Variants in PCDHA9 observed in about 807,000 individuals in gnomAD.
PCDHA9 encodes the protein protocadherin alpha 9, also known as protocadherin alpha-9.
Under a neutral mutation model 62.0 loss-of-function variants are expected in PCDHA9, and 62 were observed. That is an observed-to-expected ratio of 1.00 (90% CI 0.81 to 1.23). The LOEUF (loss-of-function observed/expected upper bound fraction) is 1.23, where lower values mean the gene tolerates loss of function less well. PCDHA9 is among the 50% of genes most tolerant of loss of function. The pLI, the probability that PCDHA9 is intolerant of heterozygous loss-of-function variation, is 0.00. For synonymous variants in PCDHA9, 557 were observed against 567.6 expected (o/e 0.98, Z 0.27); for missense variants, 1,205 against 1,249.8 (o/e 0.96, Z 0.54).
chr5:140,926,811 C>T, intron 1 of PCDHA9: 3 of 1,464,260 alleles, frequency 2.0e-6, no homozygotes, highest in Admixed American at 5.2e-5. Flanking sequence ...CCCCGCGGCT[C>T]GTGCTCTCCA....
chr5:141,009,736 G>T lies in PCDHA9; in HGVS notation c.2652G>T (p.Leu884Phe). 1 of 1,614,086 alleles carries T rather than the reference G, an allele frequency of 6.2e-7. No homozygotes were observed. Among genetic ancestry groups the T allele is most frequent in the East Asian group, 2.2e-5 (1 of 44,872 alleles). Residue 884 changes from leucine to phenylalanine, a missense_variant, in exon 4 of 4, where the codon TTG becomes TTT. Leu to Phe is a conservative substitution (Grantham distance 22). Around this residue, in one of 3 missense-constraint regions of PCDHA9, gnomAD observed 887 missense variants for 809.5 expected, o/e 1.10. Transcript: ENST00000532602. ...GNPKQSGPGE[L>F]PDKFIIPGSP... ...CCAAACAATCCGGTCCCGGTGAGTT[G>T]CCCGACAAATTCATTATCCCAGGAT...
intron 1 of PCDHA9, among the ~76,000 whole-genome samples, chr5:140,923,834 T>G (rs2081542074): frequency 6.6e-6 from 1 of 152,210 alleles, no homozygotes; most frequent in South Asian, 2.1e-4. Flanking sequence ...AGTGGCAGTT[T>G]AAATAGAGAA....
At position 140,850,415 on chromosome 5, in the gene PCDHA9, G is replaced by A. The variant is rs2150483298; in HGVS notation, c.1920G>A (p.Thr640=). Residue 640 remains threonine, a synonymous_variant, in exon 1 of 4, where the codon ACG becomes ACA. Transcript: ENST00000532602. The part of the protein sequence containing the change: ...EISTTRALDE[T]DAPRQRLLVL... The stretch of plus-strand genomic sequence containing the variant: ...GCACAACGCGTGCCCTGGACGAAAC[G>A]GACGCACCGCGCCAGCGCCTACTGG... 3.1e-6 allele frequency: 5 copies of A among 1,597,962 alleles called. 1 individual carries two copies. The highest frequency in any genetic ancestry group is 4.3e-6 in the Non-Finnish European group (5 of 1,167,734).
At chr5:140,871,456 G>A (rs782153529) in intron 1 of PCDHA9, 2 of 1,607,284 alleles carry the variant, frequency 1.2e-6, no homozygotes, top group East Asian at 4.5e-5. Context: ...AGAGGAGGAA[G>A]GGGAAAGACA....
At chr5:141,003,087 G>T (rs894210434) in intron 3 of PCDHA9, among the ~76,000 whole-genome samples, 2 of 152,198 alleles carry the variant, frequency 1.3e-5, no homozygotes, top group African/African-American at 4.8e-5. Context: ...AGTTTAACAG[G>T]CCTGGCATTT....
At position 140,855,161 on chromosome 5, in the gene PCDHA9, C is replaced by T. The variant is rs1469242390; in HGVS notation, c.2394+4272C>T. On this transcript the variant is annotated intron_variant, in intron 1 of 3. Coordinates refer to ENST00000532602, the MANE Select transcript of PCDHA9 (RefSeq NM_031857.2). ...TGATGAGCCAAATTTGGTATTGAGC[C>T]TCATGAAAACAAATGTGGCCAAATT... Among the ~76,000 whole-genome samples, 4 of 149,656 alleles carry T rather than the reference C, an allele frequency of 2.7e-5. 1 individual carries two copies. Among genetic ancestry groups the T allele is most frequent in the African/African-American group, 9.8e-5 (4 of 40,822 alleles).
chr5:140,860,143 G>A (rs1226085674), intron 1 of PCDHA9: 2 of 148,758 alleles, frequency 1.3e-5, no homozygotes, highest in Non-Finnish European at 3.0e-5. Context: ...GTATATATAT[G>A]TATATATGTG....
intron 1 of PCDHA9, among the ~76,000 whole-genome samples, chr5:140,900,275 C>T (rs1260418745): frequency 9.2e-5 from 14 of 151,438 alleles, no homozygotes; most frequent in African/African-American, 2.9e-4. Context: ...GTATATGTAC[C>T]ACACTTTCTT....
chr5:140,931,215 CAG>C (rs2087377353), intron 1 of PCDHA9, among the ~76,000 whole-genome samples: 1 of 152,106 alleles, frequency 6.6e-6, no homozygotes, highest in East Asian at 1.9e-4. Flanking sequence ...TTTCAGGTAT[CAG>C]AGCACTTAAT....
At chr5:140,854,583 A>T (rs1554147343) in intron 1 of PCDHA9, 1 of 149,916 alleles carries the variant, frequency 6.7e-6, no homozygotes, top group African/African-American at 2.4e-5. Flanking sequence ...AGATTTTAAT[A>T]AAAAAAGTTT....
chr5:140,981,504 G>A (rs1435264364), intron 2 of PCDHA9, among the ~76,000 whole-genome samples: 1 of 152,182 alleles, frequency 6.6e-6, no homozygotes, highest in African/African-American at 2.4e-5. Flanking sequence ...AACCTGGGAG[G>A]CAGAGGTTGC....
intron 1 of PCDHA9, among the ~76,000 whole-genome samples, chr5:140,975,301 C>A (rs943526337): frequency 2.3e-4 from 35 of 152,200 alleles, no homozygotes; most frequent in African/African-American, 8.4e-4. Flanking sequence ...TTAAAGAGCT[C>A]ATGTGATTAT....
intron 3 of PCDHA9, among the ~76,000 whole-genome samples, chr5:140,983,853 A>T (rs1447321377): frequency 6.6e-6 from 1 of 152,230 alleles, no homozygotes; most frequent in African/African-American, 2.4e-5. Context: ...ATTAAGTAAC[A>T]TGCAGCTAAG....
At chr5:140,990,395 G>A (rs916362624) in intron 3 of PCDHA9, among the ~76,000 whole-genome samples, 1 of 152,116 alleles carries the variant, frequency 6.6e-6, no homozygotes, top group Non-Finnish European at 1.5e-5. Flanking sequence ...GTTCCAAGAA[G>A]GTTCACCAGC....
At chr5:140,997,302 G>A (rs1430183310) in intron 3 of PCDHA9, among the ~76,000 whole-genome samples, 2 of 152,154 alleles carry the variant, frequency 1.3e-5, no homozygotes, top group Non-Finnish European at 2.9e-5. Flanking sequence ...GATACACTGA[G>A]AAATGTGTCT....
rs1465099022 is a variant in PCDHA9 at position 140,850,419 on chromosome 5, G to T, written c.1924G>T (p.Ala642Ser). 7.5e-6 allele frequency: 12 copies of T among 1,597,838 alleles called. 2 individuals carry two copies. Among genetic ancestry groups the T allele is most frequent in the Non-Finnish European group, 9.4e-6 (11 of 1,167,742 alleles). The change falls in exon 1 of 4, where the codon GCA becomes TCA. Residue 642 changes from alanine (A) to serine (S), a missense_variant. Ala to Ser is a moderately conservative substitution (Grantham distance 99). Coordinates refer to ENST00000532602, the MANE Select transcript of PCDHA9 (RefSeq NM_031857.2). ...STTRALDETDAPRQRLLVLVK... is the reference protein window; with the variant it reads ...STTRALDETDSPRQRLLVLVK... ...AACGCGTGCCCTGGACGAAACGGAC[G>T]CACCGCGCCAGCGCCTACTGGTGCT...
rs547096956 is a variant in PCDHA9, at chr5:140,967,167, T to C, written c.2395-11782T>C. 6.2e-6 allele frequency: 10 copies of C among 1,611,120 alleles called. No homozygotes were observed. In the Admixed American group the frequency reaches 8.3e-5, roughly 13 times the overall value. ...CACAACCCCGTGGCGGTGAGCGCCG[T>C]TGAGGTGGAAATATTGGACATCAAC... is the stretch of plus-strand genomic sequence containing the variant. On this transcript the variant is annotated intron_variant, in intron 1 of 3. Transcript: ENST00000532602.
At chr5:140,891,402 C>T (rs2153434100) in intron 1 of PCDHA9, among the ~76,000 whole-genome samples, 1 of 151,650 alleles carries the variant, frequency 6.6e-6, no homozygotes, top group East Asian at 1.9e-4. Context: ...TATCCCTCGC[C>T]ACCCCCCACT....
At chr5:140,915,190 G>A (rs1317793585) in intron 1 of PCDHA9, among the ~76,000 whole-genome samples, 1 of 151,978 alleles carries the variant, frequency 6.6e-6, no homozygotes, top group Non-Finnish European at 1.5e-5. Context: ...CTAGTGATCC[G>A]CCCATCTTGG....
Sources: allele counts gnomAD v4.1 joint callset (sites outside exome capture counted in the v4.1 genomes callset), GRCh38; gene constraint gnomAD v4.1.1; regional missense constraint gnomAD v4.1.1; transcripts MANE v1.5; gene names NCBI Gene and HGNC (gene_info 2026-07-23, HGNC 2026-07-21).